The following SPTAN1 variants were observed in gnomAD, a reference collection of about 807,000 sequenced individuals.
SPTAN1 encodes spectrin alpha chain, non-erythrocytic 1.
A neutral mutation model predicts 331.3 loss-of-function variants in SPTAN1; 61 were observed. The ratio of observed to expected loss-of-function variants is 0.18; its 90% CI spans 0.15 to 0.23. The LOEUF is 0.23. Among genes scored for constraint, SPTAN1 ranks in the 10% least tolerant of loss-of-function variants. The pLI, the probability that SPTAN1 is intolerant of heterozygous loss-of-function variation, is 1.00. For missense variants in SPTAN1, 2,043 were observed against 3,147.9 expected, an observed-to-expected ratio of 0.65 and a Z score of 8.40; for synonymous variants, 1,153 against 1,173.9, an observed-to-expected ratio of 0.98 and a Z score of 0.36.
Position 128,633,596 on chromosome 9 carries a change from T to C in SPTAN1, c.*262T>C. The C allele has an allele frequency of 1.7e-6, 2 of 1,144,826 alleles. No individual in the cohort carries two copies. Among genetic ancestry groups the C allele is most frequent in the African/African-American group, 1.5e-5 (1 of 65,224 alleles). The allele number at this position is 1,144,826 out of a possible 1,614,324, so 70.9% of individuals were successfully genotyped here. On this transcript the variant is annotated 3_prime_UTR_variant, in exon 57 of 57. Transcript: ENST00000372739. ...CGAAGCAGCTGGCTCCTCCCCTTGT[T>C]CTCTCTCCCACCCTCCCCCAAATCT...
chr9:128,554,045 C>T (rs1564171547), intron 1 of SPTAN1, among the ~76,000 whole-genome samples: 1 of 151,768 alleles, frequency 6.6e-6, no homozygotes, highest in Admixed American at 6.6e-5. Context: ...TTGCAGCTAA[C>T]TAATGTCTTA....
At chr9:128,565,042 C>T (rs964005396) in intron 1 of SPTAN1, among the ~76,000 whole-genome samples, 2 of 152,212 alleles carry the variant, frequency 1.3e-5, no homozygotes, top group Admixed American at 6.5e-5. Context: ...CAGTGGCTCA[C>T]ACCTGTAATT....
In SPTAN1 at chr9:128,625,600, G is replaced by A. The variant is rs940168586; in HGVS notation, c.6070-169G>A. Among the ~76,000 whole-genome samples the A allele has an allele frequency of 1.3e-5, 2 of 152,118 alleles. No individual in the cohort carries two copies. The highest frequency in any genetic ancestry group is 2.4e-5 in the African/African-American group (1 of 41,418). ...GGAGGAGGCTGCCGCAGTGATCTGCGGTCTGAAGGAGAGCAGGAAAGGGGG... is the reference window on the plus strand; with the variant it reads ...GGAGGAGGCTGCCGCAGTGATCTGCAGTCTGAAGGAGAGCAGGAAAGGGGG... On this transcript the variant is annotated intron_variant, in intron 47 of 56. Transcript: ENST00000372739. This position sits in a 1 kb window ranked among gnomAD's most constrained non-coding sequence, Gnocchi z 4.1.
In SPTAN1 at chr9:128,605,464, C is replaced by G. The variant is rs1589297894; in HGVS notation, c.4033C>G (p.Leu1345Val). 2 of 1,614,146 alleles carry G rather than the reference C, an allele frequency of 1.2e-6. No individual in the cohort carries two copies. Among genetic ancestry groups the G allele is most frequent in the Non-Finnish European group, 1.7e-6 (2 of 1,180,018 alleles). Residue 1345 changes from leucine (L) to valine (V), a missense_variant, in exon 31 of 57, where the codon CTT becomes GTT. Leu to Val is a conservative substitution (Grantham distance 32). Coordinates refer to ENST00000372739, the MANE Select transcript of SPTAN1 (RefSeq NM_001130438.3). The part of the protein sequence containing the change: ...LGDSHDLQRF[L>V]SDFRDLMSWI... ...TGACTCCCACGACCTGCAGCGCTTCCTTAGCGATTTCCGGTACGGAGCCAT... is the reference window on the plus strand; with the variant it reads ...TGACTCCCACGACCTGCAGCGCTTCGTTAGCGATTTCCGGTACGGAGCCAT...
At chr9:128,630,204 G>T in intron 51 of SPTAN1, 117 bp from the exon 52 acceptor site, 1 of 1,111,310 alleles carries the variant, frequency 9.0e-7, no homozygotes, top group Non-Finnish European at 1.4e-6. Flanking sequence ...AGTTAGGTTT[G>T]GTTTCCTTAA....
intron 31 of SPTAN1, among the ~76,000 whole-genome samples, chr9:128,605,681 T>G (rs915176175): frequency 2.6e-5 from 4 of 151,940 alleles, no homozygotes; most frequent in Non-Finnish European, 4.4e-5. Context: ...CTATTTCTAT[T>G]ATAAAATTTT....
intron 11 of SPTAN1, among the ~76,000 whole-genome samples, chr9:128,581,299 A>C (rs1302012193): frequency 1.3e-5 from 2 of 152,122 alleles, no homozygotes; most frequent in Non-Finnish European, 2.9e-5. Context: ...GTTTTATTAA[A>C]GAGATTTTTT....
rs533589980 is a variant in SPTAN1 at position 128,589,085 on chromosome 9, G to A, written c.3006+142G>A. ...ATGAGTTTCCTCACCAATCCCCCAC[G>A]TGACATACATTTATGCAGTACTGTG... On this transcript the variant is annotated intron_variant, in intron 21 of 56. Transcript: ENST00000372739. 782 of 1,204,170 alleles carry A rather than the reference G, an allele frequency of 6.5e-4. 1 individual carries two copies. Among genetic ancestry groups the A allele is most frequent in the Non-Finnish European group, 8.0e-4 (680 of 845,308 alleles). The allele number at this position is 1,204,170 out of a possible 1,614,324, so 74.6% of individuals were successfully genotyped here.
intron 5 of SPTAN1, 55 bp downstream of exon 5, chr9:128,575,400 T>C: frequency 6.3e-7 from 1 of 1,590,568 alleles, no homozygotes; most frequent in Non-Finnish European, 8.5e-7. Flanking sequence ...AACTTTTTAG[T>C]ATATTCAGGA....
At chr9:128,591,368 T>G in intron 21 of SPTAN1, 109 bp from the exon 22 acceptor site, 137 of 1,449,574 alleles carry the variant, frequency 9.5e-5, no homozygotes, top group East Asian at 2.1e-4. Context: ...GGCCGGCCGT[T>G]TTGGACCTCT....
intron 52 of SPTAN1, chr9:128,631,452 T>TC: frequency 6.6e-6 from 1 of 152,230 alleles, no homozygotes; most frequent in East Asian, 1.9e-4. Flanking sequence ...AGAGCAAAAC[T>TC]CCCTCTGAAA....
chr9:128,632,725 T>C lies in SPTAN1; in HGVS notation c.7160+7T>C. The stretch of plus-strand genomic sequence containing the variant: ...ACACGGTGGATCCGAACAGGTAAAT[T>C]AATTAAGGCCAGGTGCTGTGAGCCT... On this transcript the variant is annotated splice_region_variant and intron_variant, in intron 55 of 56. Transcript: ENST00000372739. 6.2e-7 allele frequency: 1 copy of C among 1,612,928 alleles called. No individual in the cohort carries two copies. The highest frequency in any genetic ancestry group is 8.5e-7 in the Non-Finnish European group (1 of 1,179,720).
intron 48 of SPTAN1, 52 bp downstream of exon 48, chr9:128,626,030 G>C (rs886328482): frequency 1.2e-6 from 2 of 1,601,546 alleles, no homozygotes. Flanking sequence ...AAGGAAGGAC[G>C]CCCACCTTCT....
chr9:128,613,372 C>A lies in SPTAN1; in HGVS notation c.5044-9C>A. ...CAGTAGCCTTTGCTTTTTGTGTTTT[C>A]ATTGCCAGGTGGAGGCCCTGCTGGC... On this transcript the variant is annotated splice_polypyrimidine_tract_variant and intron_variant, in intron 39 of 56. Coordinates refer to ENST00000372739, the MANE Select transcript of SPTAN1 (RefSeq NM_001130438.3). 1 of 1,612,098 alleles carries A rather than the reference C, an allele frequency of 6.2e-7. No homozygotes were observed. Among genetic ancestry groups the A allele is most frequent in the Non-Finnish European group, 8.5e-7 (1 of 1,178,076 alleles).
At chr9:128,624,630 T>C (rs1478588105) in intron 46 of SPTAN1, 143 bp downstream of exon 46, 1 of 1,074,280 alleles carries the variant, frequency 9.3e-7, no homozygotes, top group African/African-American at 1.6e-5. Flanking sequence ...GACCACTGAC[T>C]GCCAGCTAGG....
Position 128,577,587 on chromosome 9 carries a change from T to A in SPTAN1, c.1085+81T>A. On this transcript the variant is annotated intron_variant, in intron 8 of 56. Transcript: ENST00000372739. The surrounding 1 kb of genome is among the most constrained non-coding windows in gnomAD (Gnocchi z 4.2). ...AGGAATAGCAGAGTTAAGGGTCTGT[T>A]CTGTGTTCTGTGAAAGTGTCAGGTA... is the stretch of plus-strand genomic sequence containing the variant. 6.3e-7 allele frequency: 1 copy of A among 1,581,020 alleles called. No homozygotes were observed. Among genetic ancestry groups the A allele is most frequent in the Non-Finnish European group, 8.7e-7 (1 of 1,155,412 alleles).
chr9:128,581,486 AAAC>A lies in SPTAN1; in HGVS notation c.1462-293_1462-291del, dbSNP rs1171484214. Reference sequence around the variant, plus strand: ...AGATCCTGTCTCACAAAAAAAAAAAAAACAAACAAAAAAAACAAACCTTAGCAT... The same window carrying A: ...AGATCCTGTCTCACAAAAAAAAAAAAAAACAAAAAAAACAAACCTTAGCAT... On this transcript the variant is annotated intron_variant, in intron 11 of 56. Coordinates refer to ENST00000372739, the MANE Select transcript of SPTAN1 (RefSeq NM_001130438.3). 3.2e-3 allele frequency among the ~76,000 whole-genome samples: 478 copies of A among 150,676 alleles called. 5 individuals carry two copies. The highest frequency in any genetic ancestry group is 0.011 in the African/African-American group (438 of 40,996).
rs1048552755 is a variant in SPTAN1, at chr9:128,602,671, C to T, written c.3580-872C>T. Among the ~76,000 whole-genome samples the T allele has an allele frequency of 1.7e-4, 26 of 150,088 alleles. No individual in the cohort carries two copies. In the East Asian group the frequency reaches 2.4e-3, roughly 14 times the overall value. On this transcript the variant is annotated intron_variant, in intron 27 of 56. Coordinates refer to ENST00000372739, the MANE Select transcript of SPTAN1 (RefSeq NM_001130438.3). ...TTATTTTCGAGTCGGAGTCTTGCTC[C>T]GTTGCCCAGGCTGGAGTGCAGTGGC...
intron 23 of SPTAN1, 127 bp downstream of exon 23, chr9:128,593,169 C>G (rs532826227): frequency 3.1e-5 from 32 of 1,020,864 alleles, no homozygotes; most frequent in Middle Eastern, 3.0e-4. Flanking sequence ...ACTGCCTGTC[C>G]GTGCAGCAGC....
Sources: allele counts gnomAD v4.1 joint callset (sites outside exome capture counted in the v4.1 genomes callset), GRCh38; gene constraint gnomAD v4.1.1; non-coding constraint Gnocchi (gnomAD v3.1); transcripts MANE v1.5; gene names NCBI Gene and HGNC (gene_info 2026-07-23, HGNC 2026-07-21).